Variants in PTGDR observed in about 807,000 individuals in gnomAD.
The protein encoded by PTGDR is PGD2 receptor.
Under a neutral mutation model 17.4 loss-of-function variants are expected in PTGDR, and 19 were observed. The ratio of observed to expected loss-of-function variants is 1.09; its 90% CI spans 0.76 to 1.60. PTGDR has a LOEUF of 1.60. PTGDR is among the 40% of genes most tolerant of loss of function. The pLI is 0.00. For synonymous variants in PTGDR, 267 were observed against 224.2 expected (o/e 1.19, Z -1.71); for missense variants, 526 against 481.9 (o/e 1.09, Z -0.86).
intron 1 of PTGDR, among the ~76,000 whole-genome samples, chr14:52,272,426 C>T (rs1301718796): frequency 1.3e-5 from 2 of 151,608 alleles, no homozygotes; most frequent in Non-Finnish European, 2.9e-5. Context: ...TTGATTGTGC[C>T]ACTGCACCCC....
downstream of PTGDR, among the ~76,000 whole-genome samples, chr14:52,279,596 T>C (rs114447182): frequency 8.9e-3 from 1,348 of 152,214 alleles, 27 homozygotes; most frequent in African/African-American, 0.032. Flanking sequence ...ATAATTAGGC[T>C]TCCTCTCTCT....
chr14:52,278,474 G>C (rs1324730880), downstream of PTGDR, among the ~76,000 whole-genome samples: 2 of 152,080 alleles, frequency 1.3e-5, no homozygotes, highest in Non-Finnish European at 2.9e-5. Context: ...TTGTGGGGTG[G>C]GGGGAGCTGG....
chr14:52,279,906 G>C (rs1167076872), downstream of PTGDR, among the ~76,000 whole-genome samples: 4 of 151,696 alleles, frequency 2.6e-5, no homozygotes, highest in African/African-American at 9.7e-5. Flanking sequence ...ACCGGGGAAG[G>C]CAATAAAAAT....
Position 52,274,804 on chromosome 14 carries a change from G to A in PTGDR, c.920G>A (p.Arg307Gln), listed in dbSNP as rs138094600. The A allele has an allele frequency of 2.5e-5, 40 of 1,613,646 alleles. No homozygotes were observed. Among genetic ancestry groups the A allele is most frequent in the Non-Finnish European group, 3.0e-5 (35 of 1,179,568 alleles). The change falls in exon 2 of 2, where the codon CGA (arginine) becomes CAA (glutamine). Residue 307 changes from arginine to glutamine, a missense_variant. Transcript: ENST00000306051. ...ACCTCTGAAGAAGCAGAAGACCTCC[G>A]AGCCTTGCGATTTCTATCTGTGATT... ...NRTSEEAEDL[R>Q]ALRFLSVISI...
chr14:52,267,714 G>A lies in PTGDR; in HGVS notation c.-101G>A, dbSNP rs947121446. ...GCTTTTTCTGTGGCGCAGCTTCTCC[G>A]CCCGAGCCGCGCGCGGAGCTGCCGG... On this transcript the variant is annotated 5_prime_UTR_variant, in exon 1 of 2. Coordinates refer to ENST00000306051, the MANE Select transcript of PTGDR (RefSeq NM_000953.3). 1 of 1,431,240 alleles carries A rather than the reference G, an allele frequency of 7.0e-7. No homozygotes were observed. The highest frequency in any genetic ancestry group is 9.1e-7 in the Non-Finnish European group (1 of 1,099,444). The allele number at this position is 1,431,240 out of a possible 1,614,324, so 88.7% of individuals were successfully genotyped here.
At position 52,267,779 on chromosome 14, in the gene PTGDR, C is replaced by T. The variant is rs201304623; in HGVS notation, c.-36C>T. Reference sequence around the variant, plus strand: ...CCGGGCGCCGGGGCCCTCGCCCTTCCGCAGCCTTCACTCCAGCCCTCTGCT... The same window carrying T: ...CCGGGCGCCGGGGCCCTCGCCCTTCTGCAGCCTTCACTCCAGCCCTCTGCT... On this transcript the variant is annotated 5_prime_UTR_variant, in exon 1 of 2. Coordinates refer to ENST00000306051, the MANE Select transcript of PTGDR (RefSeq NM_000953.3). 4.0e-6 allele frequency: 6 copies of T among 1,505,352 alleles called. No individual in the cohort carries two copies. The highest frequency in any genetic ancestry group is 2.8e-5 in the African/African-American group (2 of 71,502). 93.2% of individuals were successfully genotyped at this position (1,505,352 alleles called of 1,614,324 possible). A position where few individuals can be genotyped will look rare whatever the true frequency, so the allele number is the denominator to read the frequency against.
downstream of PTGDR, among the ~76,000 whole-genome samples, chr14:52,277,173 G>A (rs2033440548): frequency 6.6e-6 from 1 of 152,240 alleles, no homozygotes; most frequent in Non-Finnish European, 1.5e-5. Context: ...GTCCACTGGG[G>A]TAGAGAGGAA....
In PTGDR at chr14:52,274,776, A is replaced by G; in HGVS notation, c.892A>G (p.Arg298Gly). ...GAFKDVKEKN[R>G]TSEEAEDLRA... ...ATTTAAGGATGTCAAGGAGAAAAAC[A>G]GGACCTCTGAAGAAGCAGAAGACCT... The change falls in exon 2 of 2, where the codon AGG becomes GGG. Residue 298 changes from arginine (R) to glycine (G), a missense_variant. By Grantham distance (125) the Arg-to-Gly change is moderately radical. Coordinates refer to ENST00000306051, the MANE Select transcript of PTGDR (RefSeq NM_000953.3). 6.2e-7 allele frequency: 1 copy of G among 1,613,814 alleles called. No homozygotes were observed. Among genetic ancestry groups the G allele is most frequent in the Admixed American group, 1.7e-5 (1 of 60,028 alleles).
chr14:52,268,300 T>C lies in PTGDR; in HGVS notation c.486T>C (p.Ala162=), dbSNP rs1172376030. 3 of 1,613,962 alleles carry C rather than the reference T, an allele frequency of 1.9e-6. No homozygotes were observed. The East Asian group carries it at 6.7e-5, about 36-fold the overall frequency. ...VAPVVSAFSL[A]FCALPFMGFG... ...CGGTGGTGAGCGCCTTCTCCCTGGC[T>C]TTCTGCGCGCTACCTTTCATGGGCT... Residue 162 remains alanine, a synonymous_variant, in exon 1 of 2, where the codon GCT becomes GCC. Transcript: ENST00000306051.
Position 52,275,120 on chromosome 14 carries a change from T to A in PTGDR, c.*156T>A. On this transcript the variant is annotated 3_prime_UTR_variant, in exon 2 of 2. Coordinates refer to ENST00000306051, the MANE Select transcript of PTGDR (RefSeq NM_000953.3). The stretch of plus-strand genomic sequence containing the variant: ...TGTATTTTCAAAAGTATTTGATATC[T>A]TAACAATGTGTTACCATTCTATAGT... The A allele has an allele frequency of 4.6e-6, 3 of 650,434 alleles. 1 individual carries two copies. In the South Asian group the frequency reaches 6.2e-5, roughly 13 times the overall value. The allele number at this position is 650,434 out of a possible 1,614,324, so 40.3% of individuals were successfully genotyped here.
downstream of PTGDR, among the ~76,000 whole-genome samples, chr14:52,277,596 A>G (rs964696653): frequency 6.6e-6 from 1 of 152,176 alleles, no homozygotes; most frequent in African/African-American, 2.4e-5. Flanking sequence ...TAGCAACCCA[A>G]CAGTGTATCA....
intron 1 of PTGDR, among the ~76,000 whole-genome samples, chr14:52,270,522 G>A (rs1209893839): frequency 2.0e-5 from 3 of 151,944 alleles, no homozygotes; most frequent in Admixed American, 6.6e-5. Flanking sequence ...CAGCCTGGGC[G>A]ACAGAGCAAG....
downstream of PTGDR, among the ~76,000 whole-genome samples, chr14:52,277,491 A>G (rs1274154692): frequency 6.6e-6 from 1 of 152,224 alleles, no homozygotes; most frequent in East Asian, 1.9e-4. Context: ...CAACAACAAC[A>G]ACAAAAAACC....
At position 52,274,871 on chromosome 14, in the gene PTGDR, A is replaced by C. The variant is rs759332253; in HGVS notation, c.987A>C (p.Pro329=). 3 of 1,609,104 alleles carry C rather than the reference A, an allele frequency of 1.9e-6. No homozygotes were observed. The highest frequency in any genetic ancestry group is 2.6e-6 in the Non-Finnish European group (3 of 1,175,434). The change falls in exon 2 of 2, where the codon CCA becomes CCC. Residue 329 remains proline (P), a synonymous_variant. Coordinates refer to ENST00000306051, the MANE Select transcript of PTGDR (RefSeq NM_000953.3). ...DPWIFIIFRS[P]VFRIFFHKIF... is the part of the protein sequence containing the mutation. Reference sequence around the variant, plus strand: ...GGATTTTTATCATTTTCAGATCTCCAGTATTTCGGATATTTTTTCACAAGA... The same window carrying C: ...GGATTTTTATCATTTTCAGATCTCCCGTATTTCGGATATTTTTTCACAAGA...
chr14:52,277,507 C>T (rs748983647), downstream of PTGDR, among the ~76,000 whole-genome samples: 1 of 152,226 alleles, frequency 6.6e-6, no homozygotes, highest in Non-Finnish European at 1.5e-5. Flanking sequence ...AAACCTATGA[C>T]TCTCAATAAC....
rs771905293 is a variant in PTGDR at position 52,268,213 on chromosome 14, C to T, written c.399C>T (p.Ser133=). 2 of 1,614,082 alleles carry T rather than the reference C, an allele frequency of 1.2e-6. No homozygotes were observed. The highest frequency in any genetic ancestry group is 1.1e-5 in the South Asian group (1 of 91,090). The change falls in exon 1 of 2, where the codon TCC becomes TCT. Residue 133 remains serine (S), a synonymous_variant. Coordinates refer to ENST00000306051, the MANE Select transcript of PTGDR (RefSeq NM_000953.3). ...CCATGGCACTGGAGTGCTGGCTCTC[C>T]CTAGGGCACCCTTTCTTCTACCGAC... ...LLAMALECWL[S]LGHPFFYRRH... is the part of the protein sequence containing the mutation.
intron 1 of PTGDR, among the ~76,000 whole-genome samples, chr14:52,270,865 T>C (rs756753733): frequency 6.6e-6 from 1 of 152,248 alleles, no homozygotes. Context: ...TTTGGACATG[T>C]CTCTACGGAG....
chr14:52,268,775 G>A (rs1260365255), intron 1 of PTGDR, 115 bp downstream of exon 1: 2 of 1,182,728 alleles, frequency 1.7e-6, no homozygotes, highest in Admixed American at 4.6e-5. Flanking sequence ...TGCGCCCTGG[G>A]CCAGGAAGGT....
chr14:52,274,663 G>A lies in PTGDR; in HGVS notation c.847-68G>A, dbSNP rs1594621204. ...GTCATGTTCTTACAGTAACTTAGGT[G>A]AAGTAAGTGAATCCATTGCTGCCAT... On this transcript the variant is annotated intron_variant, in intron 1 of 1. Transcript: ENST00000306051. 3.8e-6 allele frequency: 5 copies of A among 1,312,848 alleles called. No homozygotes were observed. In the East Asian group the frequency reaches 7.0e-5, roughly 18 times the overall value. The allele number at this position is 1,312,848 out of a possible 1,614,324, so 81.3% of individuals were successfully genotyped here.
Sources: gnomAD v4.1 joint callset for allele counts (sites outside exome capture counted in the v4.1 genomes callset) on GRCh38, gnomAD v4.1.1 for gene constraint, MANE v1.5 for transcripts, NCBI Gene and HGNC (gene_info 2026-07-23, HGNC 2026-07-21) for gene names.